KIF17: variants seen among roughly 807,000 people sequenced by gnomAD.
KIF17 encodes kinesin family member 17, also known as kinesin-like protein KIF17.
Under a neutral mutation model 96.8 loss-of-function variants are expected in KIF17, and 80 were observed. That is an observed-to-expected ratio of 0.83 (90% CI 0.69 to 1.00). KIF17 has a LOEUF of 1.00. Among genes scored for constraint, KIF17 ranks in the 50% least tolerant of loss-of-function variants. KIF17 has a pLI of 0.00. For synonymous variants in KIF17, 567 were observed against 587.5 expected (o/e 0.97, Z 0.51); for missense variants, 1,280 against 1,372.9 (o/e 0.93, Z 1.07).
At chr1:20,690,008 C>T (rs1490876901) in intron 7 of KIF17, among the ~76,000 whole-genome samples, 180 bp downstream of exon 7, 1 of 152,210 alleles carries the variant, frequency 6.6e-6, no homozygotes, top group Admixed American at 6.5e-5. Flanking sequence ...CCTCTCTGTG[C>T]CTCAGTTTCC....
At chr1:20,688,160 C>T (rs2053974285) in intron 7 of KIF17, among the ~76,000 whole-genome samples, 1 of 152,034 alleles carries the variant, frequency 6.6e-6, no homozygotes, top group South Asian at 2.1e-4. Flanking sequence ...CATTCTCCTG[C>T]CTCGGCCTCC....
rs573463204 is a variant in KIF17, at chr1:20,700,520, C to G, written c.1124-2032G>C. Among the ~76,000 whole-genome samples the G allele has an allele frequency of 9.3e-4, 142 of 152,274 alleles. No homozygotes were observed. The highest frequency in any genetic ancestry group is 4.6e-3 in the South Asian group (22 of 4,824). Reference sequence around the variant, plus strand: ...GTCAGCTGTTGGGGGGAGCTGCAGCCTAGCAGATTTGGGGGCCCATCGAGT... The same window carrying G: ...GTCAGCTGTTGGGGGGAGCTGCAGCGTAGCAGATTTGGGGGCCCATCGAGT... On this transcript the variant is annotated intron_variant, in intron 5 of 14. Coordinates refer to ENST00000400463, the MANE Select transcript of KIF17 (RefSeq NM_001122819.3). The surrounding 1 kb of genome is among the most constrained non-coding windows in gnomAD (Gnocchi z 4.6).
intron 1 of KIF17, 103 bp downstream of exon 1, chr1:20,717,373 C>A (rs2054596151): frequency 1.5e-6 from 2 of 1,360,122 alleles, no homozygotes; most frequent in Admixed American, 2.1e-5. Context: ...CTGCGCCCCT[C>A]GAGGGCCTTT....
rs779090340 is a variant in KIF17 at position 20,682,799 on chromosome 1, A to C, written c.2317T>G (p.Tyr773Asp). The change falls in exon 11 of 15, where the codon TAC (tyrosine) becomes GAC (aspartate). Residue 773 changes from tyrosine (Y) to aspartate (D), a missense_variant. Tyr to Asp is a radical substitution (Grantham distance 160, BLOSUM62 -3). Transcript: ENST00000400463. Reference sequence around the variant, plus strand: ...AGCTGCTTCCTGCGCTCGTCTGCGTAGCGCTTGCGCCGCTTGTGCTTCTCC... The same window carrying C: ...AGCTGCTTCCTGCGCTCGTCTGCGTCGCGCTTGCGCCGCTTGTGCTTCTCC... ...LKEKHKRRKR[Y>D]ADERRKQLVA... The C allele has an allele frequency of 6.2e-6, 10 of 1,612,682 alleles. No individual in the cohort carries two copies. The African/African-American group carries it at 1.3e-4, about 22-fold the overall frequency.
chr1:20,681,611 G>A (rs4654866), intron 11 of KIF17, among the ~76,000 whole-genome samples: 43,884 of 151,956 alleles, frequency 0.29, 6,383 homozygotes, highest in East Asian at 0.36. Context: ...CAGGAGACCC[G>A]GACAGCACAG....
rs760379606 is a variant in KIF17 at position 20,713,503 on chromosome 1, T to C, written c.431A>G (p.Asn144Ser). ...CCCAAGGAGGTCCCGGACATCTTCA[T>C]TGTAGATCTCCAGGTAGGAGGCCCG... ...LVRASYLEIY[N>S]EDVRDLLGAD... Residue 144 changes from asparagine to serine, a missense_variant, in exon 3 of 15, where the codon AAT (asparagine) becomes AGT (serine). Asn to Ser is a conservative substitution (Grantham distance 46, BLOSUM62 1). Coordinates refer to ENST00000400463, the MANE Select transcript of KIF17 (RefSeq NM_001122819.3). The C allele has an allele frequency of 1.1e-5, 18 of 1,608,732 alleles. No homozygotes were observed. Among genetic ancestry groups the C allele is most frequent in the East Asian group, 4.5e-5 (2 of 44,634 alleles).
At position 20,672,490 on chromosome 1, in the gene KIF17, T is replaced by C. The variant is rs1171758496; in HGVS notation, c.2464-294A>G. On this transcript the variant is annotated intron_variant, in intron 11 of 14. Coordinates refer to ENST00000400463, the MANE Select transcript of KIF17 (RefSeq NM_001122819.3). The surrounding 1 kb of genome is among the most constrained non-coding windows in gnomAD (Gnocchi z 4.3). ...AGCCCTGCAAAATGTAGGGGAAAAG[T>C]TGATCAGCAATCCCAACAGCCAGCC... Among the ~76,000 whole-genome samples the C allele has an allele frequency of 4.6e-5, 7 of 152,204 alleles. No homozygotes were observed. Among genetic ancestry groups the C allele is most frequent in the Admixed American group, 6.5e-5 (1 of 15,270 alleles).
chr1:20,702,414 C>T (rs148615832), intron 5 of KIF17, among the ~76,000 whole-genome samples: 366 of 152,276 alleles, frequency 2.4e-3, no homozygotes, highest in African/African-American at 7.9e-3. Context: ...GGCCGCGGGC[C>T]GAGCCTCCCC....
chr1:20,688,164 G>C lies in KIF17; in HGVS notation c.1382-220C>G, dbSNP rs913846410. 2.0e-5 allele frequency among the ~76,000 whole-genome samples: 3 copies of C among 151,404 alleles called. 1 individual carries two copies. Among genetic ancestry groups the C allele is most frequent in the African/African-American group, 7.3e-5 (3 of 41,172 alleles). On this transcript the variant is annotated intron_variant, in intron 7 of 14. Coordinates refer to ENST00000400463, the MANE Select transcript of KIF17 (RefSeq NM_001122819.3). ...CAGGTTCATGCCATTCTCCTGCCTCGGCCTCCCGAGTAGCTGGGAGTACAG... is the reference window on the plus strand; with the variant it reads ...CAGGTTCATGCCATTCTCCTGCCTCCGCCTCCCGAGTAGCTGGGAGTACAG...
chr1:20,664,310 C>T lies in KIF17; in HGVS notation c.*274G>A, dbSNP rs2053485110. The T allele has an allele frequency of 7.3e-7, 1 of 1,368,772 alleles. No homozygotes were observed. Among genetic ancestry groups the T allele is most frequent in the South Asian group, 1.5e-5 (1 of 65,676 alleles). The allele number at this position is 1,368,772 out of a possible 1,614,324, so 84.8% of individuals were successfully genotyped here. On this transcript the variant is annotated 3_prime_UTR_variant, in exon 15 of 15. Coordinates refer to ENST00000400463, the MANE Select transcript of KIF17 (RefSeq NM_001122819.3). ...ACACTGGTGGGCATGGGTGTGGGCT[C>T]TGTGGCAGGTGAGCAGACGGAAACA...
In KIF17 at chr1:20,685,219, G is replaced by A. The variant is rs185603949; in HGVS notation, c.2020-199C>T. The A allele has an allele frequency of 1.6e-3, 1,108 of 698,318 alleles. 10 individuals carry two copies. The East Asian group carries it at 0.022, about 14-fold the overall frequency. 43.3% of individuals were successfully genotyped at this position (698,318 alleles called of 1,614,324 possible). ...CCGCTATTCCCACTGACACCCCCACGCTAGGAGGAAGGCTCCCAGCTTCCT... is the reference window on the plus strand; with the variant it reads ...CCGCTATTCCCACTGACACCCCCACACTAGGAGGAAGGCTCCCAGCTTCCT... On this transcript the variant is annotated intron_variant, in intron 9 of 14. Transcript: ENST00000400463. The surrounding 1 kb of genome is among the most constrained non-coding windows in gnomAD (Gnocchi z 4.1).
chr1:20,673,353 A>G (rs906930682), intron 11 of KIF17, among the ~76,000 whole-genome samples: 1 of 151,842 alleles, frequency 6.6e-6, no homozygotes, highest in East Asian at 1.9e-4. Context: ...AGGGGTTTCA[A>G]CTGGATTAAC....
chr1:20,708,125 A>G (rs112287325), intron 4 of KIF17, among the ~76,000 whole-genome samples: 12 of 151,988 alleles, frequency 7.9e-5, no homozygotes, highest in African/African-American at 2.7e-4. Context: ...CTCCCTCCTG[A>G]TCTGTCCTCA....
intron 3 of KIF17, among the ~76,000 whole-genome samples, chr1:20,711,027 G>A (rs774949269): frequency 7.2e-5 from 11 of 152,264 alleles, no homozygotes; most frequent in South Asian, 2.1e-4. Context: ...CCCAGAGGAC[G>A]GAGCCGCGTG....
At chr1:20,690,140 G>A (rs201672721) in intron 7 of KIF17, 48 bp downstream of exon 7, 1 of 1,609,220 alleles carries the variant, frequency 6.2e-7, no homozygotes, top group East Asian at 2.2e-5. Flanking sequence ...GAGGCGGAAA[G>A]GAGGCCACCT....
chr1:20,714,412 C>T (rs1388493637), intron 2 of KIF17, among the ~76,000 whole-genome samples: 1 of 151,962 alleles, frequency 6.6e-6, no homozygotes, highest in African/African-American at 2.4e-5. Context: ...ATTGCTCGAA[C>T]CCGGGAGGCA....
chr1:20,672,165 A>C lies in KIF17; in HGVS notation c.2495T>G (p.Leu832Arg). The change falls in exon 12 of 15, where the codon CTG (leucine) becomes CGG (arginine). Residue 832 changes from leucine to arginine, a missense_variant. Leu to Arg is a moderately radical substitution (Grantham distance 102). Transcript: ENST00000400463. This position sits in a 1 kb window ranked among gnomAD's most constrained non-coding sequence, Gnocchi z 4.3. Reference protein sequence around the residue: ...LRAAEVEIKDLQSEFQLEKID... With the variant: ...LRAAEVEIKDRQSEFQLEKID... ...CTTCTCCAGCTGAAACTCGGACTGC[A>C]GATCTTTGATCTCCACCTCTGCTGC... 1 of 1,614,196 alleles carries C rather than the reference A, an allele frequency of 6.2e-7. No homozygotes were observed. The highest frequency in any genetic ancestry group is 1.1e-5 in the South Asian group (1 of 91,088).
intron 10 of KIF17, among the ~76,000 whole-genome samples, chr1:20,683,992 G>A (rs1037297700): frequency 3.9e-4 from 59 of 152,364 alleles, no homozygotes; most frequent in African/African-American, 1.3e-3. Context: ...TGCCCAGCGC[G>A]GGGCTGCCAC....
intron 11 of KIF17, among the ~76,000 whole-genome samples, chr1:20,676,336 G>GA (rs2053736735): frequency 6.6e-6 from 1 of 151,878 alleles, no homozygotes; most frequent in African/African-American, 2.4e-5. Context: ...AGACAAACTG[G>GA]AAAAAAATTT....
Sources: allele counts gnomAD v4.1 joint callset (sites outside exome capture counted in the v4.1 genomes callset), GRCh38; gene constraint gnomAD v4.1.1; non-coding constraint Gnocchi (gnomAD v3.1); transcripts MANE v1.5; gene names NCBI Gene and HGNC (gene_info 2026-07-23, HGNC 2026-07-21).